The following CCDC171 variants were observed in gnomAD, a reference collection of about 807,000 sequenced individuals.
CCDC171 encodes the protein coiled-coil domain containing 171.
In CCDC171, 177 loss-of-function variants were observed where a neutral mutation model predicts 168.2. The ratio of observed to expected loss-of-function variants is 1.05; its 90% confidence interval spans 0.93 to 1.19. CCDC171 has a LOEUF of 1.19. Among genes scored for constraint, CCDC171 ranks in the 50% most tolerant of loss-of-function variants. The pLI is 0.00. For synonymous variants in CCDC171, 687 were observed against 540.8 expected, an observed-to-expected ratio of 1.27 and a Z score of -3.75; for missense variants, 1,991 against 1,539.0, an observed-to-expected ratio of 1.29 and a Z score of -4.91.
chr9:15,941,968 A>T (rs1476679689), intron 25 of CCDC171, among the ~76,000 whole-genome samples: 1 of 151,900 alleles, frequency 6.6e-6, no homozygotes, highest in Non-Finnish European at 1.5e-5. Flanking sequence ...TTTTCTTTTT[A>T]AATATACCAT....
chr9:15,637,504 A>G (rs900700938), intron 7 of CCDC171, among the ~76,000 whole-genome samples: 1 of 151,708 alleles, frequency 6.6e-6, no homozygotes, highest in African/African-American at 2.4e-5. Context: ...GTTTTAGGGT[A>G]CATGTGCACA....
At chr9:15,693,169 G>C (rs551916210) in intron 10 of CCDC171, among the ~76,000 whole-genome samples, 16 of 150,498 alleles carry the variant, frequency 1.1e-4, no homozygotes, top group Admixed American at 9.3e-4. Context: ...CAAAAAAACA[G>C]ATGCTGTGTA....
intron 21 of CCDC171, among the ~76,000 whole-genome samples, chr9:15,832,630 A>T (rs763276851): frequency 2.0e-5 from 3 of 152,162 alleles, no homozygotes; most frequent in Non-Finnish European, 4.4e-5. Flanking sequence ...ACTTACCATG[A>T]ATGGGGCTTG....
Position 15,678,774 on chromosome 9 carries a change from T to G in CCDC171, c.1093T>G (p.Phe365Val). The G allele has an allele frequency of 6.3e-7, 1 of 1,585,238 alleles. No homozygotes were observed. The highest frequency in any genetic ancestry group is 8.5e-7 in the Non-Finnish European group (1 of 1,172,272). The change falls in exon 10 of 26, where the codon TTC becomes GTC. Residue 365 changes from phenylalanine to valine, a missense_variant. Physicochemically the swap from Phe to Val is conservative, Grantham distance 50. Coordinates refer to ENST00000380701, the MANE Select transcript of CCDC171 (RefSeq NM_173550.4). Reference protein sequence around the residue: ...AKLNLLEKEYFSKNKKLNEDI... With the variant: ...AKLNLLEKEYVSKNKKLNEDI... ...ACTTTTCAGATTAGAAAAAGAGTAT[T>G]TCTCCAAAAATAAGAAACTAAATGA...
intron 24 of CCDC171, among the ~76,000 whole-genome samples, chr9:15,919,143 T>C (rs1246159139): frequency 1.3e-5 from 2 of 151,654 alleles, no homozygotes; most frequent in African/African-American, 4.8e-5. Flanking sequence ...ACTGCCTTTT[T>C]TGGGCTCACA....
At chr9:15,836,418 T>C (rs137927983) in intron 21 of CCDC171, among the ~76,000 whole-genome samples, 24 of 152,302 alleles carry the variant, frequency 1.6e-4, no homozygotes, top group African/African-American at 4.8e-4. Flanking sequence ...CAGGCTGGAG[T>C]GCAGTGGCGC....
At chr9:15,668,007 T>C (rs1330866284) in intron 9 of CCDC171, among the ~76,000 whole-genome samples, 1 of 152,250 alleles carries the variant, frequency 6.6e-6, no homozygotes, top group Non-Finnish European at 1.5e-5. Flanking sequence ...CAAATATTAT[T>C]CTGCATATAA....
chr9:15,590,580 A>G (rs914239553), intron 4 of CCDC171, among the ~76,000 whole-genome samples: 4 of 152,174 alleles, frequency 2.6e-5, no homozygotes, highest in African/African-American at 9.7e-5. Flanking sequence ...TAAATCTGGC[A>G]AAGTAAATAG....
At chr9:15,983,832 G>GTGGT (rs1012302542) in intron 3 of CCDC171, among the ~76,000 whole-genome samples, 20 of 150,376 alleles carry the variant, frequency 1.3e-4, no homozygotes, top group Non-Finnish European at 5.9e-5. Context: ...GTGTGTGTGT[G>GTGGT]TGTGTGTGTG....
At chr9:15,918,698 A>G (rs1824888744) in intron 24 of CCDC171, among the ~76,000 whole-genome samples, 1 of 151,610 alleles carries the variant, frequency 6.6e-6, no homozygotes, top group Non-Finnish European at 1.5e-5. Context: ...GTGTTGGTTA[A>G]TAAATTAACA....
chr9:15,726,460 G>T (rs2053808162), intron 14 of CCDC171, among the ~76,000 whole-genome samples: 1 of 152,068 alleles, frequency 6.6e-6, no homozygotes, highest in South Asian at 2.1e-4. Context: ...TTATGTATTT[G>T]TTAAGTTATA....
Position 15,971,720 on chromosome 9 carries a change from TA to T in CCDC171, c.3866del (p.Tyr1289SerfsTer4), listed in dbSNP as rs1564090733. On this transcript the variant is annotated frameshift_variant, in exon 26 of 26. Transcript: ENST00000380701. LOFTEE classifies it high-confidence loss of function. ...ATTGAAAGCTGAACTTGATACTACT[TA>T]CACTTTCTTAAAGGAGACATTTATA... is the stretch of plus-strand genomic sequence containing the variant. ...LPLKAELDTT[Y>X]TFLKETFINT... 6.2e-7 allele frequency: 1 copy of T among 1,613,756 alleles called. No individual in the cohort carries two copies. The highest frequency in any genetic ancestry group is 1.3e-5 in the African/African-American group (1 of 74,912).
At chr9:15,706,093 C>T in intron 11 of CCDC171, among the ~76,000 whole-genome samples, 1 of 152,130 alleles carries the variant, frequency 6.6e-6, no homozygotes, top group East Asian at 1.9e-4. Context: ...TTTCCTATTT[C>T]TGCTTTCTAC....
rs764290637 is a variant in CCDC171, at chr9:15,784,486, C to G, written c.3082-23C>G. On this transcript the variant is annotated intron_variant, in intron 20 of 25. Transcript: ENST00000380701. ...AATGCAGTTAGCTTTATAACTGATT[C>G]TCCCCTCTCCTCCTTTTTACAGAAA... 2.3e-5 allele frequency: 35 copies of G among 1,538,462 alleles called. No homozygotes were observed. In the East Asian group the frequency reaches 7.0e-4, roughly 31 times the overall value.
intron 21 of CCDC171, among the ~76,000 whole-genome samples, chr9:15,831,997 T>A (rs2060253000): frequency 6.6e-6 from 1 of 152,110 alleles, no homozygotes; most frequent in Non-Finnish European, 1.5e-5. Flanking sequence ...AGCATCTTAC[T>A]TTTTTGTCTT....
At chr9:15,869,216 A>T (rs1312786033) in intron 23 of CCDC171, among the ~76,000 whole-genome samples, 1 of 152,004 alleles carries the variant, frequency 6.6e-6, no homozygotes, top group African/African-American at 2.4e-5. Context: ...TAATTGTATT[A>T]TTACTAATAG....
intron 23 of CCDC171, among the ~76,000 whole-genome samples, chr9:15,870,853 G>A (rs1337053026): frequency 6.6e-6 from 1 of 150,976 alleles, no homozygotes; most frequent in African/African-American, 2.4e-5. Flanking sequence ...TGTGAGTAAA[G>A]GCTAATCAGA....
intron 15 of CCDC171, among the ~76,000 whole-genome samples, chr9:15,728,636 A>G: frequency 6.6e-6 from 1 of 152,186 alleles, no homozygotes; most frequent in East Asian, 1.9e-4. Context: ...AGTCTAGGAA[A>G]TCAGTCTCCA....
At chr9:15,626,558 T>C (rs2045134140) in intron 7 of CCDC171, among the ~76,000 whole-genome samples, 1 of 152,244 alleles carries the variant, frequency 6.6e-6, no homozygotes, top group Non-Finnish European at 1.5e-5. Context: ...CTTTTCTGCA[T>C]CTGTTGAGAT....
Sources: gnomAD v4.1 joint callset for allele counts (sites outside exome capture counted in the v4.1 genomes callset) on GRCh38, gnomAD v4.1.1 for gene constraint, MANE v1.5 for transcripts, NCBI Gene and HGNC (gene_info 2026-07-23, HGNC 2026-07-21) for gene names.